ARMH4: variants seen among roughly 807,000 people sequenced by gnomAD.
ARMH4 encodes armadillo like helical domain containing 4.
In ARMH4, 49 loss-of-function variants were observed where a neutral mutation model predicts 61.9. That is an observed-to-expected ratio of 0.79 (90% CI 0.63 to 1.00). The LOEUF (loss-of-function observed/expected upper bound fraction) is 1.00. Among genes scored for constraint, ARMH4 ranks in the 50% least tolerant of loss-of-function variants. The pLI is 0.00. For missense variants in ARMH4, 934 were observed against 930.0 expected (o/e 1.00, Z -0.06); for synonymous variants, 368 against 341.5 (o/e 1.08, Z -0.85).
At chr14:58,073,599 A>G (rs889895650) in intron 5 of ARMH4, among the ~76,000 whole-genome samples, 4 of 149,236 alleles carry the variant, frequency 2.7e-5, no homozygotes, top group African/African-American at 9.9e-5. Context: ...CTTCACTGGG[A>G]AAAAAAAATA....
intron 5 of ARMH4, among the ~76,000 whole-genome samples, chr14:58,090,560 T>A (rs1201839200): frequency 6.6e-6 from 1 of 152,012 alleles, no homozygotes; most frequent in Non-Finnish European, 1.5e-5. Context: ...TGGGGGATTC[T>A]CGAAAGGCTG....
At chr14:58,142,486 CTTTTTTCTTTTCTTTTT>C (rs1271155593) in intron 1 of ARMH4, among the ~76,000 whole-genome samples, 8 of 150,998 alleles carry the variant, frequency 5.3e-5, no homozygotes, top group Non-Finnish European at 4.4e-5. Flanking sequence ...CTTTTCTTTT[CTTTTTTCTTTTCTTTTT>C]GAGATGGAGT....
intron 5 of ARMH4, among the ~76,000 whole-genome samples, chr14:58,048,107 TGAG>T (rs1887365585): frequency 6.6e-6 from 1 of 152,202 alleles, no homozygotes; most frequent in African/African-American, 2.4e-5. Flanking sequence ...TCTCATTAAC[TGAG>T]TATGAACTCA....
intron 5 of ARMH4, among the ~76,000 whole-genome samples, chr14:58,088,323 T>A (rs1159910392): frequency 6.6e-6 from 1 of 152,076 alleles, no homozygotes; most frequent in Non-Finnish European, 1.5e-5. Flanking sequence ...ATAAAAAAAA[T>A]TATCAGGCTT....
intron 4 of ARMH4, among the ~76,000 whole-genome samples, chr14:58,130,748 G>A (rs936894984): frequency 2.6e-5 from 4 of 152,196 alleles, no homozygotes; most frequent in Non-Finnish European, 1.5e-5. Flanking sequence ...TAGTAGCACA[G>A]ACTAACCCAG....
At chr14:58,089,192 C>G (rs1885478087) in intron 5 of ARMH4, among the ~76,000 whole-genome samples, 1 of 152,194 alleles carries the variant, frequency 6.6e-6, no homozygotes, top group Non-Finnish European at 1.5e-5. Context: ...CAGCTTCGAG[C>G]AAACCTTTAG....
chr14:58,005,557 A>G (rs1482978808), intron 6 of ARMH4, among the ~76,000 whole-genome samples: 2 of 152,146 alleles, frequency 1.3e-5, no homozygotes, highest in African/African-American at 2.4e-5. Flanking sequence ...ATAAATTGGA[A>G]ATATCAGCCA....
chr14:58,010,056 G>A (rs774734600), intron 6 of ARMH4, among the ~76,000 whole-genome samples: 1 of 152,158 alleles, frequency 6.6e-6, no homozygotes. Flanking sequence ...ACCTGACAGA[G>A]TGTCCTGGCT....
chr14:58,116,175 T>A (rs1886513546), intron 4 of ARMH4: 1 of 152,864 alleles, frequency 6.5e-6, no homozygotes, highest in Non-Finnish European at 1.5e-5. Context: ...TCTATAAAAA[T>A]TTCTTGAAAA....
intron 5 of ARMH4, among the ~76,000 whole-genome samples, chr14:58,026,214 T>A (rs1247787540): frequency 6.6e-6 from 1 of 152,026 alleles, no homozygotes; most frequent in Non-Finnish European, 1.5e-5. Context: ...GAAGAAAGTA[T>A]CCCTCAATGT....
In ARMH4 at chr14:58,152,148, G is replaced by C. The variant is rs980299979; in HGVS notation, c.-130C>G. On this transcript the variant is annotated 5_prime_UTR_variant, in exon 1 of 8. Coordinates refer to ENST00000267485, the MANE Select transcript of ARMH4 (RefSeq NM_001001872.4). ...CGCGGGCGCTCGGCATCCCAGCGGC[G>C]GGCCCTGCGGCGGCGGCGGCGGTAG... The C allele has an allele frequency of 6.8e-5, 11 of 162,400 alleles. No individual in the cohort carries two copies. Among genetic ancestry groups the C allele is most frequent in the African/African-American group, 2.6e-4 (11 of 41,536 alleles). The allele number at this position is 162,400 out of a possible 1,614,324, so 10.1% of individuals were successfully genotyped here.
At chr14:58,096,473 G>A (rs1190732694) in intron 5 of ARMH4, among the ~76,000 whole-genome samples, 1 of 152,164 alleles carries the variant, frequency 6.6e-6, no homozygotes, top group Non-Finnish European at 1.5e-5. Context: ...AGACTGTTTG[G>A]AGCCTGGCTA....
chr14:58,036,918 A>G, intron 5 of ARMH4, among the ~76,000 whole-genome samples: 1 of 125,274 alleles, frequency 8.0e-6, no homozygotes. Context: ...AACAAATGGA[A>G]GAACGTTCCA....
intron 5 of ARMH4, among the ~76,000 whole-genome samples, chr14:58,087,272 A>T (rs749822964): frequency 1.2e-4 from 19 of 152,258 alleles, no homozygotes; most frequent in Non-Finnish European, 2.4e-4. Context: ...CCTACTACTT[A>T]TAGTATTGCT....
chr14:58,059,734 G>A (rs900144952), intron 5 of ARMH4, among the ~76,000 whole-genome samples: 1 of 152,168 alleles, frequency 6.6e-6, no homozygotes, highest in Non-Finnish European at 1.5e-5. Context: ...CTAAGTCTGT[G>A]GACTTTGATC....
chr14:58,058,324 T>A (rs181442641), intron 5 of ARMH4, among the ~76,000 whole-genome samples: 10 of 152,292 alleles, frequency 6.6e-5, no homozygotes, highest in African/African-American at 2.4e-4. Context: ...ACATATTCAG[T>A]AGAGATACCT....
chr14:58,120,813 A>G (rs751420598), intron 4 of ARMH4, among the ~76,000 whole-genome samples: 1 of 152,166 alleles, frequency 6.6e-6, no homozygotes, highest in Non-Finnish European at 1.5e-5. Context: ...AGCTTCGTTA[A>G]TGGAGATTCT....
intron 5 of ARMH4, among the ~76,000 whole-genome samples, chr14:58,013,765 C>G (rs1882499237): frequency 6.6e-6 from 1 of 152,104 alleles, no homozygotes; most frequent in Non-Finnish European, 1.5e-5. Flanking sequence ...TGGGGCCGAG[C>G]ACGGTGGCTC....
chr14:58,045,128 T>C (rs546573407), intron 5 of ARMH4, among the ~76,000 whole-genome samples: 4 of 152,278 alleles, frequency 2.6e-5, no homozygotes, highest in South Asian at 2.1e-4. Context: ...ACCCAAAGGA[T>C]TATAAATCAT....
Sources: allele counts gnomAD v4.1 joint callset (sites outside exome capture counted in the v4.1 genomes callset), GRCh38; gene constraint gnomAD v4.1.1; transcripts MANE v1.5; gene names NCBI Gene and HGNC (gene_info 2026-07-23, HGNC 2026-07-21).